SERPINA9: variants seen among roughly 807,000 people sequenced by gnomAD.
SERPINA9 encodes serpin A9.
SERPINA9 carries 32 observed loss-of-function variants against 24.5 expected under a neutral mutation model. The ratio of observed to expected loss-of-function variants is 1.30; its 90% CI spans 0.98 to 1.75. SERPINA9 has a LOEUF of 1.75. Ranked by LOEUF, SERPINA9 falls within the 40% of genes most tolerant of loss-of-function variation. The pLI, the probability that SERPINA9 is intolerant of heterozygous loss-of-function variation, is 0.00. For synonymous variants in SERPINA9, 233 were observed against 197.7 expected (o/e 1.18, Z -1.50); for missense variants, 594 against 497.1 (o/e 1.19, Z -1.85).
At chr14:94,470,100 G>T in intron 1 of SERPINA9, 2 of 930,294 alleles carry the variant, frequency 2.1e-6, no homozygotes, top group Non-Finnish European at 2.8e-6. Context: ...CAAATAGCAT[G>T]GTTGACTTGT....
At chr14:94,464,523 T>G in intron 4 of SERPINA9, 184 bp downstream of exon 4, 1 of 573,552 alleles carries the variant, frequency 1.7e-6, no homozygotes, top group South Asian at 2.2e-5. Flanking sequence ...TGAAGAGGGA[T>G]AACAGATGCT....
At chr14:94,473,387 C>T (rs966716527) in intron 1 of SERPINA9, among the ~76,000 whole-genome samples, 6 of 151,964 alleles carry the variant, frequency 3.9e-5, no homozygotes, top group African/African-American at 7.3e-5. Flanking sequence ...GGCTTGGTGG[C>T]GGGCACCTCT....
At chr14:94,472,780 A>G (rs1430231878) in intron 1 of SERPINA9, among the ~76,000 whole-genome samples, 1 of 152,198 alleles carries the variant, frequency 6.6e-6, no homozygotes, top group African/African-American at 2.4e-5. Flanking sequence ...AGCTGATTGA[A>G]ACTTGAAAAA....
rs749991127 is a variant in SERPINA9 at position 94,467,395 on chromosome 14, G to C, written c.629-13C>G. ...TTCTCCCACTTGGCTAGCACAAAGA[G>C]AGAAAAGAAGTCTTTATGTCAAAGT... On this transcript the variant is annotated splice_polypyrimidine_tract_variant and intron_variant, in intron 2 of 4. Coordinates refer to ENST00000674397, the MANE Select transcript of SERPINA9 (RefSeq NM_175739.4). 3.2e-6 allele frequency: 5 copies of C among 1,583,796 alleles called. No individual in the cohort carries two copies. The highest frequency in any genetic ancestry group is 4.3e-6 in the Non-Finnish European group (5 of 1,162,910).
At chr14:94,470,184 G>A in intron 1 of SERPINA9, 1 of 1,062,330 alleles carries the variant, frequency 9.4e-7, no homozygotes, top group Non-Finnish European at 1.1e-6. Flanking sequence ...CTGCTTCATG[G>A]ACTTATTTTT....
Position 94,463,186 on chromosome 14 carries a change from G to T in SERPINA9, c.1161C>A (p.Val387=). The T allele has an allele frequency of 6.2e-7, 1 of 1,614,040 alleles. No homozygotes were observed. The highest frequency in any genetic ancestry group is 8.5e-7 in the Non-Finnish European group (1 of 1,179,858). The change falls in exon 5 of 5, where the codon GTC becomes GTA. Residue 387 remains valine, a synonymous_variant. Transcript: ENST00000674397. ...TCATCAGGAAGGTCCTATTGAAGGAGACAGTGAAGTAAGAGGGGCCATCCT... is the reference window on the plus strand; with the variant it reads ...TCATCAGGAAGGTCCTATTGAAGGATACAGTGAAGTAAGAGGGGCCATCCT... ...RSKDGPSYFT[V]SFNRTFLMMI...
rs1898802911 is a variant in SERPINA9 at position 94,462,854 on chromosome 14, C to A, written c.*239G>T. 2.0e-6 allele frequency: 1 copy of A among 509,746 alleles called. No individual in the cohort carries two copies. Among genetic ancestry groups the A allele is most frequent in the Non-Finnish European group, 3.6e-6 (1 of 280,838 alleles). The allele number at this position is 509,746 out of a possible 1,614,324, so 31.6% of individuals were successfully genotyped here. A position where few individuals can be genotyped will look rare whatever the true frequency, so the allele number is the denominator to read the frequency against. The stretch of plus-strand genomic sequence containing the variant: ...TGGAAATATGGTAACCCAGCAACAT[C>A]CCATGAAGCTAGTTACCTGGGAGAA... On this transcript the variant is annotated 3_prime_UTR_variant, in exon 5 of 5. Transcript: ENST00000674397.
chr14:94,473,772 T>C (rs1899441967), intron 1 of SERPINA9, among the ~76,000 whole-genome samples: 1 of 152,206 alleles, frequency 6.6e-6, no homozygotes, highest in South Asian at 2.1e-4. Flanking sequence ...CACTTGATCT[T>C]GACGGCCACT....
intron 1 of SERPINA9, among the ~76,000 whole-genome samples, chr14:94,470,591 G>T (rs566102116): frequency 6.6e-6 from 1 of 152,170 alleles, no homozygotes; most frequent in African/African-American, 2.4e-5. Context: ...CCTGACATTC[G>T]TGGTGGACAA....
rs1566789686 is a variant in SERPINA9, at chr14:94,464,299, CTCTCTCTCT to C, written c.1050+399_1050+407del. 539 of 213,538 alleles carry C rather than the reference CTCTCTCTCT, an allele frequency of 2.5e-3. 7 individuals carry two copies. Among genetic ancestry groups the C allele is most frequent in the Non-Finnish European group, 3.4e-3 (375 of 109,128 alleles). The allele number at this position is 213,538 out of a possible 1,614,324, so 13.2% of individuals were successfully genotyped here. ...TCTCTCTCTCTCTCTCTCTCTCTCT[CTCTCTCTCT>C]CTCTCTCTCTCCTTACACACTGAAG... is the stretch of plus-strand genomic sequence containing the variant. On this transcript the variant is annotated intron_variant, in intron 4 of 4. Coordinates refer to ENST00000674397, the MANE Select transcript of SERPINA9 (RefSeq NM_175739.4).
In SERPINA9 at chr14:94,462,923, G is replaced by A. The variant is rs1255063589; in HGVS notation, c.*170C>T. On this transcript the variant is annotated 3_prime_UTR_variant, in exon 5 of 5. Transcript: ENST00000674397. ...GACTGGGGTTAATGGGTGTTGGCTT[G>A]TGACTGGGGTCCCTGTTGATGGTTT... is the stretch of plus-strand genomic sequence containing the variant. 4 of 619,432 alleles carry A rather than the reference G, an allele frequency of 6.5e-6. No individual in the cohort carries two copies. The Admixed American group carries it at 7.7e-5, about 12-fold the overall frequency. The allele number at this position is 619,432 out of a possible 1,614,324, so 38.4% of individuals were successfully genotyped here.
At chr14:94,466,999 G>T in intron 3 of SERPINA9, 110 bp downstream of exon 3, 6 of 1,232,848 alleles carry the variant, frequency 4.9e-6, no homozygotes, top group Non-Finnish European at 4.6e-6. Context: ...TGCAGTTGGT[G>T]CTCACTGTGC....
chr14:94,472,502 C>T (rs954858844), intron 1 of SERPINA9, among the ~76,000 whole-genome samples: 2 of 152,154 alleles, frequency 1.3e-5, no homozygotes, highest in African/African-American at 2.4e-5. Context: ...ACACGCGTGC[C>T]TTTAGATAAT....
intron 1 of SERPINA9, chr14:94,470,323 T>TG: frequency 1.9e-6 from 1 of 514,620 alleles, no homozygotes; most frequent in Non-Finnish European, 2.5e-6. Flanking sequence ...TGGCTGCCTG[T>TG]TCCCAGACAC....
chr14:94,469,676 T>G lies in SERPINA9; in HGVS notation c.165A>C (p.Leu55=), dbSNP rs1291864617. The change falls in exon 2 of 5, where the codon CTA becomes CTC. Residue 55 remains leucine, a synonymous_variant. Coordinates refer to ENST00000674397, the MANE Select transcript of SERPINA9 (RefSeq NM_175739.4). The stretch of plus-strand genomic sequence containing the variant: ...GGGTCTCCAAAACCAGCCTGCGGTA[T>G]AGGCGGAAGGCAAAGTCGGTGTTGA... ...YSLNTDFAFR[L]YRRLVLETPS... 9.3e-6 allele frequency: 15 copies of G among 1,613,492 alleles called. No homozygotes were observed. Among genetic ancestry groups the G allele is most frequent in the Non-Finnish European group, 1.3e-5 (15 of 1,179,690 alleles).
At chr14:94,474,821 C>T (rs1051269779) in intron 1 of SERPINA9, among the ~76,000 whole-genome samples, 3 of 152,272 alleles carry the variant, frequency 2.0e-5, no homozygotes, top group East Asian at 3.9e-4. Context: ...TTGTCTCTCA[C>T]TCACTCCCAT....
chr14:94,472,542 C>T (rs1481401612), intron 1 of SERPINA9, among the ~76,000 whole-genome samples: 2 of 152,092 alleles, frequency 1.3e-5, no homozygotes, highest in African/African-American at 4.8e-5. Flanking sequence ...GTAATTTATG[C>T]ATTTGGTCCA....
At position 94,463,079 on chromosome 14, in the gene SERPINA9, A is replaced by G. The variant is rs199970832; in HGVS notation, c.*14T>C. The G allele has an allele frequency of 1.2e-3, 1,958 of 1,599,660 alleles. 6 individuals carry two copies. Among genetic ancestry groups the G allele is most frequent in the Middle Eastern group, 4.1e-3 (25 of 6,026 alleles). Reference sequence around the variant, plus strand: ...CATTAGCAATGTGCCATCAGTTAACAGGCCATTTCCCACCTAGGATTTAGT... The same window carrying G: ...CATTAGCAATGTGCCATCAGTTAACGGGCCATTTCCCACCTAGGATTTAGT... On this transcript the variant is annotated 3_prime_UTR_variant, in exon 5 of 5. Transcript: ENST00000674397.
At position 94,469,354 on chromosome 14, in the gene SERPINA9, T is replaced by C. The variant is rs959655925; in HGVS notation, c.487A>G (p.Thr163Ala). 6.2e-6 allele frequency: 10 copies of C among 1,614,236 alleles called. No homozygotes were observed. The highest frequency in any genetic ancestry group is 8.5e-6 in the Non-Finnish European group (10 of 1,180,038). Residue 163 changes from threonine to alanine, a missense_variant, in exon 2 of 5, where the codon ACA becomes GCA. By Grantham distance (58) the Thr-to-Ala change is moderately conservative. Coordinates refer to ENST00000674397, the MANE Select transcript of SERPINA9 (RefSeq NM_175739.4). ...GCAATGGAGGGGTTGGAGAAATCTG[T>C]AGAAAAGACTTCTGCTTCATACAGC... ...KRLYEAEVFS[T>A]DFSNPSIAQA...
Sources: allele counts gnomAD v4.1 joint callset (sites outside exome capture counted in the v4.1 genomes callset), GRCh38; gene constraint gnomAD v4.1.1; transcripts MANE v1.5; gene names NCBI Gene and HGNC (gene_info 2026-07-23, HGNC 2026-07-21).